The following HBS1L variants were observed in gnomAD, a reference collection of about 807,000 sequenced individuals.
HBS1L encodes the protein HBS1-like protein.
A neutral mutation model predicts 88.9 loss-of-function variants in HBS1L; 55 were observed. The observed-to-expected ratio is 0.62, with a 90% CI of 0.50 to 0.77. The LOEUF (loss-of-function observed/expected upper bound fraction) is 0.77, where lower values mean the gene tolerates loss of function less well. Ranked by LOEUF, HBS1L falls within the 30% of genes least tolerant of loss-of-function variation. HBS1L has a pLI of 0.00. For synonymous variants in HBS1L, 267 were observed against 288.5 expected, an observed-to-expected ratio of 0.93 and a Z score of 0.76; for missense variants, 741 against 829.3, an observed-to-expected ratio of 0.89 and a Z score of 1.31.
intron 13 of HBS1L, among the ~76,000 whole-genome samples, chr6:134,980,036 A>G (rs1774782276): frequency 6.6e-6 from 1 of 152,068 alleles, no homozygotes; most frequent in Non-Finnish European, 1.5e-5. Context: ...AAAGGCTTTT[A>G]AAATATATCC....
At chr6:134,992,583 T>C (rs1562284399) in intron 8 of HBS1L, among the ~76,000 whole-genome samples, 1 of 152,136 alleles carries the variant, frequency 6.6e-6, no homozygotes, top group South Asian at 2.1e-4. Context: ...ATTTGTGTCT[T>C]TGTTTTTCAC....
intron 4 of HBS1L, among the ~76,000 whole-genome samples, chr6:135,032,540 C>G (rs1208090138): frequency 6.6e-6 from 1 of 152,002 alleles, no homozygotes; most frequent in African/African-American, 2.4e-5. Context: ...GACTTTATAA[C>G]CAAATATATA....
chr6:135,037,576 G>T (rs908168522), intron 4 of HBS1L: 8 of 1,548,656 alleles, frequency 5.2e-6, no homozygotes, highest in Non-Finnish European at 7.0e-6. Flanking sequence ...AGAATTATTC[G>T]GTGTTGTGCC....
At chr6:134,996,528 T>A (rs576604405) in intron 7 of HBS1L, among the ~76,000 whole-genome samples, 6 of 152,268 alleles carry the variant, frequency 3.9e-5, no homozygotes, top group Admixed American at 1.3e-4. Flanking sequence ...TTTACTGTTG[T>A]TTTTCTGCAT....
intron 3 of HBS1L, 92 bp from the exon 4 acceptor site, chr6:135,039,859 A>G: frequency 9.2e-7 from 1 of 1,083,220 alleles, no homozygotes; most frequent in East Asian, 2.5e-5. Context: ...TTACAGCTGT[A>G]CTAGAATATT....
chr6:134,997,428 T>G lies in HBS1L; in HGVS notation c.768A>C (p.Gly256=). 6.2e-7 allele frequency: 1 copy of G among 1,614,052 alleles called. No individual in the cohort carries two copies. Among genetic ancestry groups the G allele is most frequent in the Non-Finnish European group, 8.5e-7 (1 of 1,179,968 alleles). ...CCACTAAGTTGAGTAGCTGCTTCCC[T>G]CCTTGCCGCTTCTCCAGTTCCGCCT... The part of the protein sequence containing the change: ...DVKAELEKRQ[G]GKQLLNLVVI... The change falls in exon 6 of 18, where the codon GGA becomes GGC. Residue 256 remains glycine, a synonymous_variant. Coordinates refer to ENST00000367837, the MANE Select transcript of HBS1L (RefSeq NM_006620.4).
Position 134,961,244 on chromosome 6 carries a change from T to C in HBS1L, c.*4035A>G, listed in dbSNP as rs1021399528. The C allele has an allele frequency of 2.0e-5, 3 of 152,158 alleles. No individual in the cohort carries two copies. The highest frequency in any genetic ancestry group is 2.9e-5 in the Non-Finnish European group (2 of 68,010). 9.4% of individuals were successfully genotyped at this position (152,158 alleles called of 1,614,324 possible). On this transcript the variant is annotated 3_prime_UTR_variant, in exon 18 of 18. Coordinates refer to ENST00000367837, the MANE Select transcript of HBS1L (RefSeq NM_006620.4). ...ACTATAAGTAACTTAATGCTTTTCT[T>C]TCCCTATTTCATATCCCCATATTTG...
At position 134,978,659 on chromosome 6, in the gene HBS1L, T is replaced by A. The variant is rs935477809; in HGVS notation, c.1797+20A>T. The A allele has an allele frequency of 7.6e-7, 1 of 1,317,908 alleles. No homozygotes were observed. Among genetic ancestry groups the A allele is most frequent in the African/African-American group, 1.5e-5 (1 of 67,690 alleles). The allele number at this position is 1,317,908 out of a possible 1,614,324, so 81.6% of individuals were successfully genotyped here. Reference sequence around the variant, plus strand: ...TTTGAATTTATAAAAACAGGAATAATAAAACATTTTGGAACTTACAGGAAA... The same window carrying A: ...TTTGAATTTATAAAAACAGGAATAAAAAAACATTTTGGAACTTACAGGAAA... On this transcript the variant is annotated intron_variant, in intron 15 of 17. Coordinates refer to ENST00000367837, the MANE Select transcript of HBS1L (RefSeq NM_006620.4).
At chr6:135,037,742 G>C (rs1295786449) in intron 4 of HBS1L, 37 of 1,550,730 alleles carry the variant, frequency 2.4e-5, no homozygotes, top group Admixed American at 5.9e-5. Flanking sequence ...ACTGATGGCT[G>C]ACTTTCACAG....
chr6:134,965,530 T>C (rs576031210), intron 17 of HBS1L, among the ~76,000 whole-genome samples: 2 of 152,358 alleles, frequency 1.3e-5, no homozygotes, highest in South Asian at 4.1e-4. Flanking sequence ...AATGCCTTGA[T>C]AGATTAAATG....
chr6:134,994,543 T>C (rs1583086743), intron 7 of HBS1L, among the ~76,000 whole-genome samples: 1 of 152,230 alleles, frequency 6.6e-6, no homozygotes, highest in East Asian at 1.9e-4. Flanking sequence ...CTTGGAATAT[T>C]TGCATATACA....
intron 5 of HBS1L, among the ~76,000 whole-genome samples, chr6:134,999,728 G>A (rs749831280): frequency 6.6e-6 from 1 of 152,040 alleles, no homozygotes; most frequent in South Asian, 2.1e-4. Flanking sequence ...TATTACAGGG[G>A]TGAGCTACTG....
At chr6:135,039,426 C>T (rs1776658393) in intron 4 of HBS1L, 147 bp downstream of exon 4, 2 of 655,298 alleles carry the variant, frequency 3.1e-6, no homozygotes, top group Non-Finnish European at 5.2e-6. Context: ...ACAACTAGAT[C>T]AACTGATAAT....
Position 134,975,295 on chromosome 6 carries a change from C to T in HBS1L, c.1797+3384G>A, listed in dbSNP as rs761404764. Among the ~76,000 whole-genome samples the T allele has an allele frequency of 3.3e-5, 5 of 152,266 alleles. No individual in the cohort carries two copies. The East Asian group carries it at 9.6e-4, about 29-fold the overall frequency. ...AATGAACAGAGATACATCCCATGCT[C>T]ATGAATTGGAAGAATCAATATCATG... On this transcript the variant is annotated intron_variant, in intron 15 of 17. Transcript: ENST00000367837.
In HBS1L at chr6:134,997,380, G is replaced by A; in HGVS notation, c.799+17C>T. On this transcript the variant is annotated intron_variant, in intron 6 of 17. Transcript: ENST00000367837. ...AGGCATGGCTGGCTGACGATCCAGAGGGACAAAGAGCATTACCAATGACCA... is the reference window on the plus strand; with the variant it reads ...AGGCATGGCTGGCTGACGATCCAGAAGGACAAAGAGCATTACCAATGACCA... The A allele has an allele frequency of 1.9e-6, 3 of 1,613,306 alleles. No homozygotes were observed. The highest frequency in any genetic ancestry group is 2.5e-6 in the Non-Finnish European group (3 of 1,179,418).
chr6:135,016,969 CAT>C (rs1396016526), intron 4 of HBS1L, among the ~76,000 whole-genome samples: 2 of 152,162 alleles, frequency 1.3e-5, no homozygotes, highest in African/African-American at 4.8e-5. Flanking sequence ...AGTGTTCTCT[CAT>C]GTGTCCTGGG....
rs1248737738 is a variant in HBS1L at position 134,987,798 on chromosome 6, A to G, written c.1084-7T>C. On this transcript the variant is annotated splice_region_variant and splice_polypyrimidine_tract_variant and intron_variant, in intron 8 of 17. Coordinates refer to ENST00000367837, the MANE Select transcript of HBS1L (RefSeq NM_006620.4). ...CTAAAACAGCTACATCCGCCTAAAG[A>G]AGAAAAATAATCGAAGCCAGAAATA... The G allele has an allele frequency of 6.4e-7, 1 of 1,567,458 alleles. No homozygotes were observed.
chr6:134,988,470 A>C (rs886512516), intron 8 of HBS1L, among the ~76,000 whole-genome samples: 4 of 151,974 alleles, frequency 2.6e-5, no homozygotes, highest in Non-Finnish European at 4.4e-5. Flanking sequence ...AAAAAACCCC[A>C]AAACAAAGCA....
intron 15 of HBS1L, among the ~76,000 whole-genome samples, chr6:134,972,243 C>T (rs1341372936): frequency 1.3e-5 from 2 of 151,962 alleles, no homozygotes; most frequent in African/African-American, 4.8e-5. Context: ...TGTTAGGTGG[C>T]CAAGTAAATC....
Sources: allele counts gnomAD v4.1 joint callset (sites outside exome capture counted in the v4.1 genomes callset), GRCh38; gene constraint gnomAD v4.1.1; transcripts MANE v1.5; gene names NCBI Gene and HGNC (gene_info 2026-07-23, HGNC 2026-07-21).